PRSS57: variants seen among roughly 807,000 people sequenced by gnomAD.
PRSS57 encodes the protein neutrophil serine protease 4.
A neutral mutation model predicts 20.6 loss-of-function variants in PRSS57; 19 were observed. The observed-to-expected ratio is 0.92, with a 90% CI of 0.64 to 1.35. The LOEUF (loss-of-function observed/expected upper bound fraction) is 1.35, where lower values mean the gene tolerates loss of function less well. Among genes scored for constraint, PRSS57 ranks in the 40% most tolerant of loss-of-function variants. PRSS57 has a pLI of 0.00. For missense variants in PRSS57, 440 were observed against 403.7 expected (o/e 1.09, Z -0.77); for synonymous variants, 203 against 176.6 (o/e 1.15, Z -1.19).
chr19:687,055 G>A lies in PRSS57; in HGVS notation c.512C>T (p.Pro171Leu), dbSNP rs200235217. 2.1e-5 allele frequency: 34 copies of A among 1,614,046 alleles called. No homozygotes were observed. In the Middle Eastern group the frequency reaches 4.9e-4, roughly 23 times the overall value. Residue 171 changes from proline (P) to leucine (L), a missense_variant, in exon 4 of 5, where the codon CCG becomes CTG. Pro to Leu is a moderately conservative substitution (Grantham distance 98, BLOSUM62 -3). Transcript: ENST00000329267. ...GACCTTGGCCTCCATCAGTCCAGGC[G>A]GCAGCTCCTCAAAGTCAGACACGAA... is the stretch of plus-strand genomic sequence containing the variant. ...WGFVSDFEELPPGLMEAKVRV... is the reference protein window; with the variant it reads ...WGFVSDFEELLPGLMEAKVRV...
intron 3 of PRSS57, among the ~76,000 whole-genome samples, chr19:689,024 T>C (rs562814699): frequency 6.6e-6 from 1 of 152,138 alleles, no homozygotes; most frequent in South Asian, 2.1e-4. Context: ...TGATAAAAAA[T>C]CCCTGCCCGT....
intron 3 of PRSS57, among the ~76,000 whole-genome samples, chr19:687,573 A>G (rs1294028976): frequency 2.0e-5 from 3 of 151,878 alleles, no homozygotes; most frequent in African/African-American, 7.3e-5. Context: ...CACCTGGCTA[A>G]TTTTGGTATT....
At chr19:689,737 G>A (rs2031584476) in intron 3 of PRSS57, among the ~76,000 whole-genome samples, 1 of 152,094 alleles carries the variant, frequency 6.6e-6, no homozygotes, top group Non-Finnish European at 1.5e-5. Context: ...TGGGCAACAT[G>A]GTGAAACCCC....
In PRSS57 at chr19:694,914, G is replaced by A. The variant is rs759229365; in HGVS notation, c.133C>T (p.Pro45Ser). 6.3e-7 allele frequency: 1 copy of A among 1,597,298 alleles called. No homozygotes were observed. The highest frequency in any genetic ancestry group is 8.5e-7 in the Non-Finnish European group (1 of 1,172,042). ...CCGAAGCGCACGGATGCCATGTAGG[G>A]CCTGGAGTGGGGGGTCACCTCGTGG... ...GGHEVTPHSR[P>S]YMASVRFGGQ... The change falls in exon 2 of 5, where the codon CCC (proline) becomes TCC (serine). Residue 45 changes from proline (P) to serine (S), a missense_variant. By Grantham distance (74) the Pro-to-Ser change is moderately conservative (BLOSUM62 -1). Transcript: ENST00000329267.
chr19:688,517 C>T (rs911737697), intron 3 of PRSS57, among the ~76,000 whole-genome samples: 1 of 147,126 alleles, frequency 6.8e-6, no homozygotes, highest in Non-Finnish European at 1.5e-5. Context: ...GGTCGTCCCT[C>T]GAGCAGGAGG....
At chr19:694,772 G>A in intron 2 of PRSS57, 42 bp downstream of exon 2, 2 of 1,577,568 alleles carry the variant, frequency 1.3e-6, no homozygotes, top group African/African-American at 2.7e-5. Flanking sequence ...CTCATGTCGG[G>A]ATACGGTGTC....
rs373120321 is a variant in PRSS57, at chr19:685,779, C to A, written c.786G>T (p.Arg262=). 1.9e-5 allele frequency: 29 copies of A among 1,566,912 alleles called. 1 individual carries two copies. The African/African-American group carries it at 3.8e-4, about 21-fold the overall frequency. Residue 262 remains arginine, a synonymous_variant, in exon 5 of 5, where the codon CGG becomes CGT. Coordinates refer to ENST00000329267, the MANE Select transcript of PRSS57 (RefSeq NM_001308209.2). Reference sequence around the variant, plus strand: ...GGGGGCCGGGCTGGGGACTGCTCCGCCGAACCACGTCCCAGATCCAGGCCA... The same window carrying A: ...GGGGGCCGGGCTGGGGACTGCTCCGACGAACCACGTCCCAGATCCAGGCCA... ...AFVAWIWDVV[R]RSSPQPGPLP...
chr19:687,236 C>T lies in PRSS57; in HGVS notation c.379-48G>A, dbSNP rs374496227. The T allele has an allele frequency of 2.8e-5, 41 of 1,443,404 alleles. No individual in the cohort carries two copies. The East Asian group carries it at 3.8e-4, about 14-fold the overall frequency. The allele number at this position is 1,443,404 out of a possible 1,614,324, so 89.4% of individuals were successfully genotyped here. A position where few individuals can be genotyped will look rare whatever the true frequency, so the allele number is the denominator to read the frequency against. On this transcript the variant is annotated intron_variant, in intron 3 of 4. Coordinates refer to ENST00000329267, the MANE Select transcript of PRSS57 (RefSeq NM_001308209.2). ...GGCCACTGGGCTCCCTCCCCACCCC[C>T]GCTCCTGCCTCAGTTTATCCATGGG...
In PRSS57 at chr19:694,911, A is replaced by G. The variant is rs1353505003; in HGVS notation, c.136T>C (p.Tyr46His). The change falls in exon 2 of 5, where the codon TAC (tyrosine) becomes CAC (histidine). Residue 46 changes from tyrosine (Y) to histidine (H), a missense_variant. By Grantham distance (83) the Tyr-to-His change is moderately conservative. Coordinates refer to ENST00000329267, the MANE Select transcript of PRSS57 (RefSeq NM_001308209.2). Reference protein sequence around the residue: ...GHEVTPHSRPYMASVRFGGQH... With the variant: ...GHEVTPHSRPHMASVRFGGQH... ...CCCCCGAAGCGCACGGATGCCATGT[A>G]GGGCCTGGAGTGGGGGGTCACCTCG... The G allele has an allele frequency of 1.3e-6, 2 of 1,597,838 alleles. No individual in the cohort carries two copies. The highest frequency in any genetic ancestry group is 8.5e-7 in the Non-Finnish European group (1 of 1,172,282).
At chr19:691,648 C>G (rs755421329) in intron 3 of PRSS57, among the ~76,000 whole-genome samples, 1 of 151,588 alleles carries the variant, frequency 6.6e-6, no homozygotes, top group African/African-American at 2.4e-5. Context: ...GGTGAAACCC[C>G]GTCTCTACTA....
intron 4 of PRSS57, 110 bp from the exon 5 acceptor site, chr19:686,032 G>A: frequency 3.1e-6 from 3 of 980,766 alleles, no homozygotes; most frequent in Non-Finnish European, 4.4e-6. Context: ...TGCTCTCCAA[G>A]GAAAAAGTAA....
intron 2 of PRSS57, among the ~76,000 whole-genome samples, chr19:692,605 C>G (rs1446206694): frequency 6.6e-6 from 1 of 151,636 alleles, no homozygotes; most frequent in Non-Finnish European, 1.5e-5. Flanking sequence ...TCAGTAGAGA[C>G]AGGGTTTCAC....
chr19:692,861 TTTA>T (rs2031686473), intron 2 of PRSS57, among the ~76,000 whole-genome samples: 1 of 152,030 alleles, frequency 6.6e-6, no homozygotes, highest in Admixed American at 6.6e-5. Flanking sequence ...ACTTATTATA[TTTA>T]TTATAAGTTC....
At chr19:690,490 G>A (rs1442597096) in intron 3 of PRSS57, 18 of 213,488 alleles carry the variant, frequency 8.4e-5, no homozygotes, top group Non-Finnish European at 1.6e-4. Context: ...AGGAGTAGAC[G>A]CCTGTCACCA....
At chr19:693,364 A>G (rs1159453426) in intron 2 of PRSS57, among the ~76,000 whole-genome samples, 1 of 149,916 alleles carries the variant, frequency 6.7e-6, no homozygotes, top group Non-Finnish European at 1.5e-5. Flanking sequence ...AGTAGCTGGG[A>G]CCACAGAAGC....
At position 694,890 on chromosome 19, in the gene PRSS57, C is replaced by G; in HGVS notation, c.157G>C (p.Gly53Arg). 7 of 1,604,088 alleles carry G rather than the reference C, an allele frequency of 4.4e-6. No homozygotes were observed. The highest frequency in any genetic ancestry group is 6.0e-6 in the Non-Finnish European group (7 of 1,176,122). ...SRPYMASVRF[G>R]GQHHCGGFLL... ...AAGCCTCCGCAGTGATGTTGGCCCC[C>G]GAAGCGCACGGATGCCATGTAGGGC... Residue 53 changes from glycine to arginine, a missense_variant, in exon 2 of 5, where the codon GGG (glycine) becomes CGG (arginine). Transcript: ENST00000329267.
intron 2 of PRSS57, 76 bp downstream of exon 2, chr19:694,738 C>T (rs2144819626): frequency 1.4e-6 from 2 of 1,477,472 alleles, no homozygotes; most frequent in South Asian, 1.3e-5. Context: ...GCGCCCCCAG[C>T]TCCCCCACCA....
Position 691,893 on chromosome 19 carries a change from G to A in PRSS57, c.343C>T (p.Pro115Ser). 7.5e-7 allele frequency: 1 copy of A among 1,340,206 alleles called. No homozygotes were observed. Among genetic ancestry groups the A allele is most frequent in the Non-Finnish European group, 9.7e-7 (1 of 1,036,136 alleles). 83.0% of individuals were successfully genotyped at this position (1,340,206 alleles called of 1,614,324 possible). The change falls in exon 3 of 5, where the codon CCC becomes TCC. Residue 115 changes from proline to serine, a missense_variant. Coordinates refer to ENST00000329267, the MANE Select transcript of PRSS57 (RefSeq NM_001308209.2). ...CAGATGTCGTTGGCGTGGGTCATGGGGTGGTAGTCGGGGTGTGTGGTGAGA... is the reference window on the plus strand; with the variant it reads ...CAGATGTCGTTGGCGTGGGTCATGGAGTGGTAGTCGGGGTGTGTGGTGAGA... ...DALTTHPDYH[P>S]MTHANDICLL... is the part of the protein sequence containing the mutation.
In PRSS57 at chr19:685,705, A is replaced by G; in HGVS notation, c.*11T>C. 3 of 1,522,844 alleles carry G rather than the reference A, an allele frequency of 2.0e-6. No individual in the cohort carries two copies. The highest frequency in any genetic ancestry group is 1.4e-5 in the African/African-American group (1 of 72,428). 94.3% of individuals were successfully genotyped at this position (1,522,844 alleles called of 1,614,324 possible). ...AGCGGCCATCTCATTTGCATGCCGCAAGGTTGTGGCTCAGGCGGCTTCTCC... is the reference window on the plus strand; with the variant it reads ...AGCGGCCATCTCATTTGCATGCCGCGAGGTTGTGGCTCAGGCGGCTTCTCC... On this transcript the variant is annotated 3_prime_UTR_variant, in exon 5 of 5. Transcript: ENST00000329267.
Sources: gnomAD v4.1 joint callset for allele counts (sites outside exome capture counted in the v4.1 genomes callset) on GRCh38, gnomAD v4.1.1 for gene constraint, MANE v1.5 for transcripts, NCBI Gene and HGNC (gene_info 2026-07-23, HGNC 2026-07-21) for gene names.